TAS1R1: variants seen among roughly 807,000 people sequenced by gnomAD.
TAS1R1 encodes the protein taste receptor type 1 member 1.
Under a neutral mutation model 45.8 loss-of-function variants are expected in TAS1R1, and 31 were observed. The ratio of observed to expected loss-of-function variants is 0.68; its 90% CI spans 0.51 to 0.91. The LOEUF (loss-of-function observed/expected upper bound fraction) is 0.91. Ranked by LOEUF, TAS1R1 falls within the 40% of genes least tolerant of loss-of-function variation. The probability of loss-of-function intolerance (pLI) is 0.00; values close to 1 mark genes in which losing one functional copy is unlikely to be tolerated. For missense variants in TAS1R1, 1,051 were observed against 1,063.9 expected, an observed-to-expected ratio of 0.99 and a Z score of 0.17; for synonymous variants, 437 against 448.4, an observed-to-expected ratio of 0.97 and a Z score of 0.32.
At chr1:6,562,315 A>G (rs571021269) in intron 1 of TAS1R1, among the ~76,000 whole-genome samples, 1 of 152,102 alleles carries the variant, frequency 6.6e-6, no homozygotes, top group South Asian at 2.1e-4. Context: ...ACTACAGGCG[A>G]CCGCCACCAC....
intron 2 of TAS1R1, among the ~76,000 whole-genome samples, chr1:6,573,853 C>T (rs1247356397): frequency 1.3e-5 from 2 of 151,884 alleles, no homozygotes; most frequent in Non-Finnish European, 2.9e-5. Context: ...TTAGTAGAGA[C>T]GGGGTTTCAC....
rs17492553 is a variant in TAS1R1 at position 6,576,401 on chromosome 1, C to A, written c.1261-14C>A. The stretch of plus-strand genomic sequence containing the variant: ...TGCTGTCTGTGGTGGCTTCATGATA[C>A]GCGTTTCTTTCAGCTTTTGGAGCAG... On this transcript the variant is annotated splice_polypyrimidine_tract_variant and intron_variant, in intron 3 of 5. Transcript: ENST00000333172. The A allele has an allele frequency of 6.2e-7, 1 of 1,613,546 alleles. No individual in the cohort carries two copies. Among genetic ancestry groups the A allele is most frequent in the African/African-American group, 1.3e-5 (1 of 74,926 alleles).
At chr1:6,576,250 G>A (rs1315536858) in intron 3 of TAS1R1, among the ~76,000 whole-genome samples, 165 bp from the exon 4 acceptor site, 1 of 152,188 alleles carries the variant, frequency 6.6e-6, no homozygotes, top group Non-Finnish European at 1.5e-5. Flanking sequence ...CCTCTCAGGA[G>A]GTTGGTGGGG....
chr1:6,559,494 C>T (rs1639744344), intron 1 of TAS1R1, among the ~76,000 whole-genome samples: 1 of 150,886 alleles, frequency 6.6e-6, no homozygotes, highest in African/African-American at 2.4e-5. Context: ...CCTGTCTCTA[C>T]TAAAATACAA....
At chr1:6,573,726 G>A (rs1057245787) in intron 2 of TAS1R1, among the ~76,000 whole-genome samples, 1 of 151,662 alleles carries the variant, frequency 6.6e-6, no homozygotes, top group African/African-American at 2.4e-5. Flanking sequence ...GCAGTGGCGC[G>A]ATCTCGACTC....
intron 1 of TAS1R1, among the ~76,000 whole-genome samples, chr1:6,558,717 T>A (rs1021360870): frequency 6.7e-6 from 1 of 148,954 alleles, no homozygotes; most frequent in Non-Finnish European, 1.5e-5. Flanking sequence ...AGACTCAGTC[T>A]AAAAAAAAAT....
In TAS1R1 at chr1:6,570,024, G is replaced by GAGAGAGAGAGAGAGAGAGAGAGAGA. The variant is rs1553186697; in HGVS notation, c.192-885_192-884insAGAGAGAGAGAGAGAGAGAGAGAGA. On this transcript the variant is annotated intron_variant, in intron 1 of 5. Coordinates refer to ENST00000333172, the MANE Select transcript of TAS1R1 (RefSeq NM_138697.4). ...GGAGGAGAGAGGGAGGGAGGGAGGGGGAGAGAGAGAGAGAGAGAGAGAGAG... is the reference window on the plus strand; with the variant it reads ...GGAGGAGAGAGGGAGGGAGGGAGGGGAGAGAGAGAGAGAGAGAGAGAGAGAGAGAGAGAGAGAGAGAGAGAGAGAG... Among the ~76,000 whole-genome samples, 35 of 32,420 alleles carry GAGAGAGAGAGAGAGAGAGAGAGAGA rather than the reference G, an allele frequency of 1.1e-3. 1 individual carries two copies. The highest frequency in any genetic ancestry group is 1.4e-3 in the Non-Finnish European group (12 of 8,550). 21.3% of individuals were successfully genotyped at this position (32,420 alleles called of 152,430 possible). A position where few individuals can be genotyped will look rare whatever the true frequency, so the allele number is the denominator to read the frequency against.
At chr1:6,563,319 C>CA (rs2148668484) in intron 1 of TAS1R1, among the ~76,000 whole-genome samples, 1 of 152,294 alleles carries the variant, frequency 6.6e-6, no homozygotes, top group East Asian at 1.9e-4. Flanking sequence ...GCATTGGATA[C>CA]ACACAGGGGC....
intron 1 of TAS1R1, among the ~76,000 whole-genome samples, chr1:6,566,677 G>A (rs1170099278): frequency 6.6e-6 from 1 of 152,126 alleles, no homozygotes; most frequent in Non-Finnish European, 1.5e-5. Context: ...CTCACTGCAA[G>A]CTCCACCTCC....
intron 1 of TAS1R1, among the ~76,000 whole-genome samples, chr1:6,560,211 C>T (rs1639757794): frequency 6.6e-6 from 1 of 151,940 alleles, no homozygotes; most frequent in African/African-American, 2.4e-5. Flanking sequence ...GCAGGAGAAT[C>T]GCTTGAACCC....
At chr1:6,578,507 G>A in intron 5 of TAS1R1, 146 bp from the exon 6 acceptor site, 1 of 1,407,206 alleles carries the variant, frequency 7.1e-7, no homozygotes, top group Non-Finnish European at 9.3e-7. Context: ...GTGGCCTCAG[G>A]CCCCACTCCC....
intron 3 of TAS1R1, 66 bp downstream of exon 3, chr1:6,575,458 G>A (rs945002909): frequency 1.4e-6 from 2 of 1,463,010 alleles, no homozygotes; most frequent in Admixed American, 2.5e-5. Flanking sequence ...AGCAGAGTGG[G>A]CACTCTCCGG....
chr1:6,560,502 C>G (rs1639763923), intron 1 of TAS1R1, among the ~76,000 whole-genome samples: 1 of 152,196 alleles, frequency 6.6e-6, no homozygotes, highest in Admixed American at 6.5e-5. Flanking sequence ...AAAACAACAG[C>G]TGGGGAACAT....
At position 6,576,977 on chromosome 1, in the gene TAS1R1, T is replaced by G; in HGVS notation, c.1501T>G (p.Cys501Gly). 6.2e-7 allele frequency: 1 copy of G among 1,614,256 alleles called. No homozygotes were observed. Among genetic ancestry groups the G allele is most frequent in the Middle Eastern group, 1.6e-4 (1 of 6,062 alleles). The change falls in exon 5 of 6, where the codon TGT (cysteine) becomes GGT (glycine). Residue 501 changes from cysteine (C) to glycine (G), a missense_variant. Transcript: ENST00000333172. ...GCCTAAGTCTGTGTGTTCCAGCGAC[T>G]GTCTTGAAGGGCACCAGCGAGTGGT... ...QVPKSVCSSDCLEGHQRVVTG... is the reference protein window; with the variant it reads ...QVPKSVCSSDGLEGHQRVVTG...
intron 2 of TAS1R1, among the ~76,000 whole-genome samples, chr1:6,572,533 T>C (rs1036227835): frequency 6.6e-6 from 1 of 152,154 alleles, no homozygotes; most frequent in East Asian, 1.9e-4. Flanking sequence ...AGTGGTGAGA[T>C]TACAGGCATG....
chr1:6,561,105 G>A (rs991904264), intron 1 of TAS1R1, among the ~76,000 whole-genome samples: 1 of 152,016 alleles, frequency 6.6e-6, no homozygotes, highest in Non-Finnish European at 1.5e-5. Flanking sequence ...CTCTAATATG[G>A]TCCTGTAAAA....
intron 1 of TAS1R1, among the ~76,000 whole-genome samples, chr1:6,560,188 T>C (rs1424422697): frequency 1.3e-5 from 2 of 152,156 alleles, no homozygotes; most frequent in East Asian, 1.9e-4. Context: ...TCCCAGCTAC[T>C]TGGGAGGCTG....
intron 1 of TAS1R1, among the ~76,000 whole-genome samples, chr1:6,559,571 A>C (rs1268272145): frequency 6.6e-6 from 1 of 151,188 alleles, no homozygotes; most frequent in Non-Finnish European, 1.5e-5. Flanking sequence ...AGGAAGGATA[A>C]TTGCTTGAAC....
rs145341910 is a variant in TAS1R1 at position 6,577,005 on chromosome 1, C to T, written c.1529C>T (p.Thr510Met). The change falls in exon 5 of 6, where the codon ACG (threonine) becomes ATG (methionine). Residue 510 changes from threonine (T) to methionine (M), a missense_variant. Thr to Met is a moderately conservative substitution (Grantham distance 81, BLOSUM62 -1). Transcript: ENST00000333172. Reference protein sequence around the residue: ...DCLEGHQRVVTGFHHCCFECV... With the variant: ...DCLEGHQRVVMGFHHCCFECV... ...CTTGAAGGGCACCAGCGAGTGGTTA[C>T]GGGTTTCCATCACTGCTGCTTTGAG... 37 of 1,614,132 alleles carry T rather than the reference C, an allele frequency of 2.3e-5. No homozygotes were observed. Among genetic ancestry groups the T allele is most frequent in the Admixed American group, 1.2e-4 (7 of 60,014 alleles).
Sources: allele counts gnomAD v4.1 joint callset (sites outside exome capture counted in the v4.1 genomes callset), GRCh38; gene constraint gnomAD v4.1.1; transcripts MANE v1.5; gene names NCBI Gene and HGNC (gene_info 2026-07-23, HGNC 2026-07-21).